The following PARD3 variants were observed in gnomAD, a reference collection of about 807,000 sequenced individuals.
The protein encoded by PARD3 is par-3 family cell polarity regulator, also known as partitioning defective 3 homolog.
In PARD3, 75 loss-of-function variants were observed where a neutral mutation model predicts 155.4. That is an observed-to-expected ratio of 0.48 (90% CI 0.40 to 0.58). The LOEUF is 0.58. PARD3 is among the 20% of genes least tolerant of loss of function. The pLI is 0.00. For missense variants in PARD3, 1,642 were observed against 1,721.7 expected (o/e 0.95, Z 0.82); for synonymous variants, 576 against 610.5 (o/e 0.94, Z 0.83).
chr10:34,502,164 G>A (rs1452619685), intron 3 of PARD3, among the ~76,000 whole-genome samples: 1 of 152,210 alleles, frequency 6.6e-6, no homozygotes, highest in Non-Finnish European at 1.5e-5. Flanking sequence ...TGTTGAAGCA[G>A]CCTGAATGGA....
intron 3 of PARD3, among the ~76,000 whole-genome samples, chr10:34,477,144 T>C (rs1420664044): frequency 1.3e-5 from 2 of 152,248 alleles, no homozygotes; most frequent in African/African-American, 4.8e-5. Context: ...ATGTAATTTG[T>C]GTTCATTACA....
chr10:34,274,155 T>C lies in PARD3; in HGVS notation c.3177-4256A>G, dbSNP rs543645665. Among the ~76,000 whole-genome samples, 4 of 152,292 alleles carry C rather than the reference T, an allele frequency of 2.6e-5. No individual in the cohort carries two copies. The South Asian group carries it at 8.3e-4, about 32-fold the overall frequency. ...AGTTAGAAATTTTTATCAGGACTGT[T>C]CTAGATCCTAGTAACTCTAAGACTG... is the stretch of plus-strand genomic sequence containing the variant. On this transcript the variant is annotated intron_variant, in intron 21 of 24. Coordinates refer to ENST00000374788, the MANE Select transcript of PARD3 (RefSeq NM_001184785.2).
intron 22 of PARD3, among the ~76,000 whole-genome samples, chr10:34,166,339 G>A (rs1452546834): frequency 2.6e-5 from 4 of 152,044 alleles, no homozygotes; most frequent in Non-Finnish European, 4.4e-5. Flanking sequence ...AGGCCTGGGC[G>A]AGGTGGCTCA....
At chr10:34,630,421 C>T (rs570162655) in intron 2 of PARD3, among the ~76,000 whole-genome samples, 12 of 151,932 alleles carry the variant, frequency 7.9e-5, no homozygotes, top group African/African-American at 2.7e-4. Context: ...CATCCTAGTC[C>T]ACCCTTATCC....
At chr10:34,535,084 GAAT>G (rs1564819024) in intron 2 of PARD3, among the ~76,000 whole-genome samples, 1 of 152,106 alleles carries the variant, frequency 6.6e-6, no homozygotes, top group Non-Finnish European at 1.5e-5. Context: ...CAGGGTTTAA[GAAT>G]AATATTAAGT....
At chr10:34,370,285 C>A (rs943750741) in intron 12 of PARD3, among the ~76,000 whole-genome samples, 4 of 152,180 alleles carry the variant, frequency 2.6e-5, no homozygotes, top group African/African-American at 7.2e-5. Flanking sequence ...GTCACCATGT[C>A]ATGCTACCAT....
chr10:34,127,420 C>T lies in PARD3; in HGVS notation c.3540+4043G>A, dbSNP rs1947346447. Among the ~76,000 whole-genome samples the T allele has an allele frequency of 2.6e-5, 4 of 152,210 alleles. No homozygotes were observed. The South Asian group carries it at 8.3e-4, about 32-fold the overall frequency. On this transcript the variant is annotated intron_variant, in intron 23 of 24. Transcript: ENST00000374788. ...GTGGTCCTCACAGCTCCGTGGTTCTCAACACCCCATGCACACCCCTAGCCT... is the reference window on the plus strand; with the variant it reads ...GTGGTCCTCACAGCTCCGTGGTTCTTAACACCCCATGCACACCCCTAGCCT...
intron 23 of PARD3, among the ~76,000 whole-genome samples, chr10:34,124,466 G>A (rs575929391): frequency 6.6e-6 from 1 of 152,304 alleles, no homozygotes; most frequent in South Asian, 2.1e-4. Context: ...CTGTTGAAAA[G>A]TGGCCAGTGC....
chr10:34,545,045 T>C (rs1159095321), intron 2 of PARD3, among the ~76,000 whole-genome samples: 1 of 152,200 alleles, frequency 6.6e-6, no homozygotes, highest in African/African-American at 2.4e-5. Flanking sequence ...CAAGACATAA[T>C]TTCAGTCTTC....
intron 5 of PARD3, among the ~76,000 whole-genome samples, chr10:34,420,718 T>C (rs896989048): frequency 2.0e-5 from 3 of 152,190 alleles, no homozygotes; most frequent in African/African-American, 4.8e-5. Flanking sequence ...CATGCACAAA[T>C]AGAAGACAAA....
intron 5 of PARD3, among the ~76,000 whole-genome samples, chr10:34,418,480 CTTT>C (rs2132391840): frequency 6.6e-6 from 1 of 152,080 alleles, no homozygotes; most frequent in South Asian, 2.1e-4. Context: ...AGCATATATT[CTTT>C]ATTTTGCACA....
In PARD3 at chr10:34,573,784, C is replaced by CAG. The variant is rs1439840303; in HGVS notation, c.223-56627_223-56626dup. 1.2e-4 allele frequency among the ~76,000 whole-genome samples: 16 copies of CAG among 132,358 alleles called. 1 individual carries two copies. The highest frequency in any genetic ancestry group is 1.2e-3 in the South Asian group (5 of 4,324). 86.8% of individuals were successfully genotyped at this position (132,358 alleles called of 152,430 possible). A position where few individuals can be genotyped will look rare whatever the true frequency, so the allele number is the denominator to read the frequency against. ...ACACACACACACACACACACACACA[C>CAG]AGAGAATCAGCCTCCAAGTACCGAA... On this transcript the variant is annotated intron_variant, in intron 2 of 24. Coordinates refer to ENST00000374788, the MANE Select transcript of PARD3 (RefSeq NM_001184785.2).
intron 22 of PARD3, among the ~76,000 whole-genome samples, chr10:34,132,539 T>C (rs568468570): frequency 6.6e-6 from 1 of 152,300 alleles, no homozygotes; most frequent in Admixed American, 6.5e-5. Context: ...AAAGTACAAA[T>C]TTTAAAAAGA....
chr10:34,248,110 C>T (rs1222487545), intron 22 of PARD3, among the ~76,000 whole-genome samples: 1 of 152,092 alleles, frequency 6.6e-6, no homozygotes, highest in Non-Finnish European at 1.5e-5. Context: ...GCATTTTATC[C>T]CTTAAGATGG....
At chr10:34,207,316 C>A (rs906826065) in intron 22 of PARD3, among the ~76,000 whole-genome samples, 9 of 152,198 alleles carry the variant, frequency 5.9e-5, no homozygotes, top group African/African-American at 2.2e-4. Context: ...AAAATAAGCA[C>A]AGCAGCAAGT....
intron 1 of PARD3, among the ~76,000 whole-genome samples, chr10:34,752,575 A>G (rs981283212): frequency 6.6e-6 from 1 of 152,056 alleles, no homozygotes; most frequent in African/African-American, 2.4e-5. Context: ...AGAGCTGACT[A>G]CTATGAAGAC....
intron 12 of PARD3, among the ~76,000 whole-genome samples, chr10:34,369,647 T>G (rs1019540969): frequency 1.3e-5 from 2 of 152,176 alleles, no homozygotes; most frequent in Admixed American, 6.5e-5. Context: ...AGAAGTAATA[T>G]ATCTCCTGCA....
intron 2 of PARD3, among the ~76,000 whole-genome samples, chr10:34,583,996 C>T (rs2087753714): frequency 6.6e-6 from 1 of 152,124 alleles, no homozygotes. Context: ...ATACATAAAT[C>T]ATCATTTATT....
chr10:34,456,388 C>T (rs2077342667), intron 4 of PARD3, among the ~76,000 whole-genome samples: 1 of 152,166 alleles, frequency 6.6e-6, no homozygotes, highest in Admixed American at 6.5e-5. Context: ...CCTCCGTCTC[C>T]CTGGTTCAAA....
Sources: gnomAD v4.1 joint callset for allele counts (sites outside exome capture counted in the v4.1 genomes callset) on GRCh38, gnomAD v4.1.1 for gene constraint, MANE v1.5 for transcripts, NCBI Gene and HGNC (gene_info 2026-07-23, HGNC 2026-07-21) for gene names.